The following UNC80 variants were observed in gnomAD, a reference collection of about 807,000 sequenced individuals.
The protein encoded by UNC80 is unc-80 subunit of NALCN channel complex.
In UNC80, 164 loss-of-function variants were observed where a neutral mutation model predicts 384.6. The ratio of observed to expected loss-of-function variants is 0.43; its 90% CI spans 0.38 to 0.49. The LOEUF is 0.49. UNC80 is among the 20% of genes least tolerant of loss of function. The pLI, the probability that UNC80 is intolerant of heterozygous loss-of-function variation, is 0.00. For missense variants in UNC80, 3,330 were observed against 4,143.0 expected, an observed-to-expected ratio of 0.80 and a Z score of 5.39; for synonymous variants, 1,486 against 1,527.8, an observed-to-expected ratio of 0.97 and a Z score of 0.64.
At chr2:209,883,928 T>C (rs1254288620) in intron 25 of UNC80, among the ~76,000 whole-genome samples, 3 of 152,170 alleles carry the variant, frequency 2.0e-5, no homozygotes, top group Admixed American at 6.5e-5. Flanking sequence ...CACTGAACAG[T>C]AAATCCACAG....
intron 25 of UNC80, 99 bp from the exon 26 acceptor site, chr2:209,887,996 C>T: frequency 5.3e-6 from 6 of 1,133,258 alleles, no homozygotes; most frequent in East Asian, 2.6e-5. Flanking sequence ...GCTGTTTAAA[C>T]GCAGTTGTGT....
Position 209,822,691 on chromosome 2 carries a change from T to A in UNC80, c.2331+2012T>A, listed in dbSNP as rs530628415. On this transcript the variant is annotated intron_variant, in intron 13 of 64. Coordinates refer to ENST00000673920, the MANE Select transcript of UNC80 (RefSeq NM_001371986.1). ...ATAATTAGTGTTTTGTTTTCATTTT[T>A]GCTTTTCCTTTTTTAGCTTTGAAAT... Among the ~76,000 whole-genome samples, 583 of 152,330 alleles carry A rather than the reference T, an allele frequency of 3.8e-3. 3 individuals are homozygous for A. The highest frequency in any genetic ancestry group is 0.011 in the South Asian group (51 of 4,830).
chr2:209,833,877 T>C (rs2153828805), intron 16 of UNC80, 125 bp from the exon 17 acceptor site: 1 of 901,328 alleles, frequency 1.1e-6, no homozygotes, highest in Non-Finnish European at 1.7e-6. Flanking sequence ...TAGTAAACTG[T>C]CCTGTCTTAA....
At chr2:209,894,468 A>G in intron 27 of UNC80, 102 bp downstream of exon 27, 2 of 611,234 alleles carry the variant, frequency 3.3e-6, no homozygotes, top group Non-Finnish European at 4.1e-6. Flanking sequence ...AAATAGATGG[A>G]GGGCAGAGCC....
chr2:209,926,629 A>G (rs188530614), intron 35 of UNC80, among the ~76,000 whole-genome samples: 116 of 152,270 alleles, frequency 7.6e-4, no homozygotes, highest in Non-Finnish European at 7.9e-4. Flanking sequence ...TAAAAAAATT[A>G]GTCAGATGTG....
At chr2:209,896,077 A>G (rs943458959) in intron 27 of UNC80, among the ~76,000 whole-genome samples, 6 of 152,204 alleles carry the variant, frequency 3.9e-5, no homozygotes, top group Non-Finnish European at 5.9e-5. Flanking sequence ...CCCATCTCTC[A>G]AAATGGAAGC....
At chr2:209,982,393 C>A in intron 60 of UNC80, 76 bp downstream of exon 60, 2 of 1,418,924 alleles carry the variant, frequency 1.4e-6, no homozygotes, top group Non-Finnish European at 1.9e-6. Context: ...TCCTGTTATT[C>A]TACAAAGACA....
rs907055204 is a variant in UNC80 at position 209,997,542 on chromosome 2, T to A, written c.*1947T>A. 3 of 152,238 alleles carry A rather than the reference T, an allele frequency of 2.0e-5. No individual in the cohort carries two copies. Among genetic ancestry groups the A allele is most frequent in the African/African-American group, 7.2e-5 (3 of 41,472 alleles). 9.4% of individuals were successfully genotyped at this position (152,238 alleles called of 1,614,324 possible). A position where few individuals can be genotyped will look rare whatever the true frequency, so the allele number is the denominator to read the frequency against. Reference sequence around the variant, plus strand: ...TAAATAGCAAAGAAGTCAAAGAAGATTGTTAAATATTCAACAAGAATCATA... The same window carrying A: ...TAAATAGCAAAGAAGTCAAAGAAGAATGTTAAATATTCAACAAGAATCATA... On this transcript the variant is annotated 3_prime_UTR_variant, in exon 65 of 65. Coordinates refer to ENST00000673920, the MANE Select transcript of UNC80 (RefSeq NM_001371986.1).
intron 29 of UNC80, among the ~76,000 whole-genome samples, chr2:209,908,592 A>G (rs2088548715): frequency 6.6e-6 from 1 of 152,244 alleles, no homozygotes; most frequent in South Asian, 2.1e-4. Flanking sequence ...TCTTTCAACC[A>G]AAAAGGAGAG....
intron 31 of UNC80, 82 bp from the exon 32 acceptor site, chr2:209,917,695 G>A: frequency 6.8e-7 from 1 of 1,468,798 alleles, no homozygotes. Context: ...TCAGAAGATA[G>A]AAGCAGTTTC....
intron 23 of UNC80, among the ~76,000 whole-genome samples, chr2:209,874,660 T>C (rs1054114244): frequency 5.9e-5 from 9 of 152,218 alleles, no homozygotes; most frequent in African/African-American, 2.2e-4. Flanking sequence ...TAAACAGATA[T>C]TCTCCAGGAT....
intron 7 of UNC80, among the ~76,000 whole-genome samples, chr2:209,798,665 AT>A (rs1182456698): frequency 6.7e-6 from 1 of 149,954 alleles, no homozygotes; most frequent in Non-Finnish European, 1.5e-5. Flanking sequence ...TTTTATTTTT[AT>A]TTTTTTATTT....
intron 26 of UNC80, among the ~76,000 whole-genome samples, chr2:209,891,586 T>G (rs183684222): frequency 2.8e-4 from 43 of 152,178 alleles, no homozygotes; most frequent in African/African-American, 1.0e-3. Flanking sequence ...AGAACTTTAA[T>G]TTGATGTGAT....
At chr2:209,907,444 C>G (rs959800815) in intron 29 of UNC80, among the ~76,000 whole-genome samples, 2 of 152,108 alleles carry the variant, frequency 1.3e-5, no homozygotes, top group African/African-American at 2.4e-5. Flanking sequence ...GCTAAGAGAG[C>G]TTATGAATGA....
chr2:209,929,976 AT>A lies in UNC80; in HGVS notation c.5907+7del. 1 of 1,523,014 alleles carries A rather than the reference AT, an allele frequency of 6.6e-7. No homozygotes were observed. The highest frequency in any genetic ancestry group is 8.8e-7 in the Non-Finnish European group (1 of 1,135,674). 94.3% of individuals were successfully genotyped at this position (1,523,014 alleles called of 1,614,324 possible). ...CTGACCATCAGCAATAGACAAGTAA[AT>A]TCCTCTTCCTTTTTAGTGTAGCTCT... On this transcript the variant is annotated splice_donor_region_variant and intron_variant, in intron 37 of 64. Coordinates refer to ENST00000673920, the MANE Select transcript of UNC80 (RefSeq NM_001371986.1).
Position 209,831,523 on chromosome 2 carries a change from G to T in UNC80, c.2707G>T (p.Ala903Ser). 6.4e-7 allele frequency: 1 copy of T among 1,551,212 alleles called. No individual in the cohort carries two copies. The highest frequency in any genetic ancestry group is 2.0e-5 in the Admixed American group (1 of 50,924). ...AAATGTGGAAGGCATTATCGTCAGC[G>T]CCATGTTTAAATCCCTCATCACACG... ...AQNVEGIIVS[A>S]MFKSLITRCA... Residue 903 changes from alanine to serine, a missense_variant, in exon 16 of 65, where the codon GCC (alanine) becomes TCC (serine). Ala to Ser is a moderately conservative substitution (Grantham distance 99, BLOSUM62 1). Coordinates refer to ENST00000673920, the MANE Select transcript of UNC80 (RefSeq NM_001371986.1).
chr2:209,825,014 A>G (rs913886581), intron 13 of UNC80, among the ~76,000 whole-genome samples: 1 of 152,166 alleles, frequency 6.6e-6, no homozygotes, highest in African/African-American at 2.4e-5. Context: ...ACAAAAACAC[A>G]AAGAGATTAG....
intron 51 of UNC80, among the ~76,000 whole-genome samples, chr2:209,965,509 A>G (rs2092716907): frequency 6.6e-6 from 1 of 150,888 alleles, no homozygotes; most frequent in Admixed American, 6.6e-5. Context: ...TCTGTCACCC[A>G]GGCTAGAGTG....
intron 22 of UNC80, among the ~76,000 whole-genome samples, chr2:209,867,672 C>A (rs1192606833): frequency 1.3e-5 from 2 of 152,020 alleles, no homozygotes; most frequent in Non-Finnish European, 2.9e-5. Context: ...CTTGTGCCAA[C>A]TTTTAACTTG....
Sources: gnomAD v4.1 joint callset for allele counts (sites outside exome capture counted in the v4.1 genomes callset) on GRCh38, gnomAD v4.1.1 for gene constraint, MANE v1.5 for transcripts, NCBI Gene and HGNC (gene_info 2026-07-23, HGNC 2026-07-21) for gene names.